TBC1D22A: variants seen among roughly 807,000 people sequenced by gnomAD.
The protein encoded by TBC1D22A is putative GTPase activator.
In TBC1D22A, 38 loss-of-function variants were observed where a neutral mutation model predicts 60.2. That is an observed-to-expected ratio of 0.63 (90% confidence interval 0.49 to 0.83). The LOEUF (loss-of-function observed/expected upper bound fraction) is 0.83, where lower values mean the gene tolerates loss of function less well. Ranked by LOEUF, TBC1D22A falls within the 40% of genes least tolerant of loss-of-function variation. The probability of loss-of-function intolerance (pLI) is 0.00; values close to 1 mark genes in which losing one functional copy is unlikely to be tolerated. For missense variants in TBC1D22A, 628 were observed against 701.0 expected, an observed-to-expected ratio of 0.90 and a Z score of 1.18; for synonymous variants, 302 against 281.7, an observed-to-expected ratio of 1.07 and a Z score of -0.72.
intron 4 of TBC1D22A, among the ~76,000 whole-genome samples, chr22:46,825,352 G>A (rs2059426067): frequency 6.6e-6 from 1 of 152,094 alleles, no homozygotes; most frequent in African/African-American, 2.4e-5. Flanking sequence ...CCAGCACAGG[G>A]GACCCGCAAT....
At chr22:46,847,739 C>T (rs1258386745) in intron 4 of TBC1D22A, among the ~76,000 whole-genome samples, 1 of 152,196 alleles carries the variant, frequency 6.6e-6, no homozygotes, top group Non-Finnish European at 1.5e-5. Flanking sequence ...AGTAGAGGCA[C>T]CCAGGCTTGT....
intron 12 of TBC1D22A, among the ~76,000 whole-genome samples, chr22:47,170,066 G>C (rs1388664997): frequency 6.6e-6 from 1 of 152,220 alleles, no homozygotes; most frequent in Admixed American, 6.5e-5. Flanking sequence ...AGACGACGTG[G>C]CCTAGTGCAT....
intron 9 of TBC1D22A, among the ~76,000 whole-genome samples, chr22:46,976,350 C>T (rs1004336820): frequency 2.6e-5 from 4 of 152,172 alleles, no homozygotes; most frequent in South Asian, 2.1e-4. Flanking sequence ...TCTTCTCTCA[C>T]GTGCCACGAT....
chr22:47,053,181 A>C (rs762409472), intron 11 of TBC1D22A, among the ~76,000 whole-genome samples: 1 of 151,662 alleles, frequency 6.6e-6, no homozygotes, highest in Admixed American at 6.6e-5. Context: ...CCAGGGCCTC[A>C]CTGCTTCCTG....
rs185955295 is a variant in TBC1D22A, at chr22:47,052,783, C to T, written c.1329+15585C>T. On this transcript the variant is annotated intron_variant, in intron 11 of 12. Coordinates refer to ENST00000337137, the MANE Select transcript of TBC1D22A (RefSeq NM_014346.5). ...GGCCTCCCACAGTACCCCCGGGCAT[C>T]TTCCTGTCCTTCCAGGCCACTGCTC... is the stretch of plus-strand genomic sequence containing the variant. Among the ~76,000 whole-genome samples the T allele has an allele frequency of 5.3e-5, 8 of 152,352 alleles. No homozygotes were observed. In the East Asian group the frequency reaches 1.5e-3, roughly 29 times the overall value.
chr22:46,773,424 G>A (rs1035475514), intron 1 of TBC1D22A, among the ~76,000 whole-genome samples: 37 of 152,200 alleles, frequency 2.4e-4, no homozygotes, highest in Admixed American at 2.6e-4. Flanking sequence ...CACACCTCAC[G>A]CTAGGGATTG....
chr22:47,146,510 T>C (rs1435040453), intron 12 of TBC1D22A, among the ~76,000 whole-genome samples: 1 of 152,228 alleles, frequency 6.6e-6, no homozygotes, highest in East Asian at 1.9e-4. Context: ...GCAACTGTTA[T>C]CTCTAATGTC....
chr22:47,174,287 G>T lies in TBC1D22A; in HGVS notation c.*661G>T, dbSNP rs1210949447. 6.6e-6 allele frequency: 1 copy of T among 152,404 alleles called. No individual in the cohort carries two copies. The highest frequency in any genetic ancestry group is 1.5e-5 in the Non-Finnish European group (1 of 68,154). 9.4% of individuals were successfully genotyped at this position (152,404 alleles called of 1,614,324 possible). On this transcript the variant is annotated 3_prime_UTR_variant, in exon 13 of 13. Coordinates refer to ENST00000337137, the MANE Select transcript of TBC1D22A (RefSeq NM_014346.5). ...GTGGGACCAAAGGCTGGGAGCAGAGGGAGGCCTCGCCATCGCCTTACTTTC... is the reference window on the plus strand; with the variant it reads ...GTGGGACCAAAGGCTGGGAGCAGAGTGAGGCCTCGCCATCGCCTTACTTTC...
intron 10 of TBC1D22A, among the ~76,000 whole-genome samples, chr22:47,022,554 A>C (rs949217409): frequency 6.7e-6 from 1 of 148,392 alleles, no homozygotes; most frequent in Admixed American, 6.6e-5. Context: ...TCTGTCTCAA[A>C]AAAAAAAACA....
At chr22:47,134,635 G>A (rs1416662421) in intron 12 of TBC1D22A, among the ~76,000 whole-genome samples, 2 of 152,238 alleles carry the variant, frequency 1.3e-5, no homozygotes, top group African/African-American at 2.4e-5. Flanking sequence ...GGAGTGTCCT[G>A]TGGGACCCTC....
intron 4 of TBC1D22A, among the ~76,000 whole-genome samples, chr22:46,798,065 A>G (rs1203696468): frequency 3.3e-5 from 5 of 152,016 alleles, no homozygotes; most frequent in Admixed American, 3.3e-4. Flanking sequence ...TTCTACAGAT[A>G]CGGGTCTGCC....
At chr22:47,134,538 C>G (rs139730444) in intron 12 of TBC1D22A, among the ~76,000 whole-genome samples, 318 of 152,336 alleles carry the variant, frequency 2.1e-3, no homozygotes, top group Middle Eastern at 0.01. Flanking sequence ...GACAGAGTCA[C>G]TTTTGTGTGC....
intron 9 of TBC1D22A, among the ~76,000 whole-genome samples, chr22:46,983,172 A>C (rs1428840718): frequency 2.0e-5 from 3 of 152,304 alleles, no homozygotes; most frequent in Admixed American, 2.0e-4. Context: ...TGGATCTGGC[A>C]CGGCAGACCA....
At chr22:47,127,472 A>G (rs1601599557) in intron 12 of TBC1D22A, among the ~76,000 whole-genome samples, 2 of 134,082 alleles carry the variant, frequency 1.5e-5, no homozygotes, top group South Asian at 4.7e-4. Context: ...TGATCCACCC[A>G]CCCCGGCTTC....
intron 12 of TBC1D22A, among the ~76,000 whole-genome samples, chr22:47,145,779 G>C (rs903146811): frequency 6.6e-6 from 1 of 152,166 alleles, no homozygotes; most frequent in African/African-American, 2.4e-5. Flanking sequence ...CTAAGAGAAG[G>C]TTTCCACATT....
intron 10 of TBC1D22A, among the ~76,000 whole-genome samples, chr22:47,021,827 C>G (rs1234160578): frequency 6.6e-6 from 1 of 152,258 alleles, no homozygotes; most frequent in African/African-American, 2.4e-5. Context: ...CGCCCCAGTG[C>G]TGGGGTTCAG....
chr22:46,894,663 A>G, intron 6 of TBC1D22A, 121 bp from the exon 7 acceptor site: 1 of 1,174,820 alleles, frequency 8.5e-7, no homozygotes. Context: ...GAGAATCCTC[A>G]AGGAGAGAGC....
intron 4 of TBC1D22A, among the ~76,000 whole-genome samples, chr22:46,801,609 G>A (rs1221951244): frequency 6.6e-6 from 1 of 152,268 alleles, no homozygotes; most frequent in East Asian, 1.9e-4. Context: ...GAATGGTAGT[G>A]CGATTTGGTA....
At chr22:46,772,044 T>TATATAC (rs977010065) in intron 1 of TBC1D22A, among the ~76,000 whole-genome samples, 1 of 146,554 alleles carries the variant, frequency 6.8e-6, no homozygotes, top group East Asian at 2.0e-4. Context: ...TTCCATCGTA[T>TATATAC]ATATACATAT....
Sources: allele counts gnomAD v4.1 joint callset (sites outside exome capture counted in the v4.1 genomes callset), GRCh38; gene constraint gnomAD v4.1.1; transcripts MANE v1.5; gene names NCBI Gene and HGNC (gene_info 2026-07-23, HGNC 2026-07-21).